The following RNF111 variants were observed in gnomAD, a reference collection of about 807,000 sequenced individuals.
RNF111 encodes E3 ubiquitin-protein ligase Arkadia.
In RNF111, 17 loss-of-function variants were observed where a neutral mutation model predicts 95.1. That is an observed-to-expected ratio of 0.18 (90% CI 0.12 to 0.27). The LOEUF (loss-of-function observed/expected upper bound fraction) is 0.27. Among genes scored for constraint, RNF111 ranks in the 10% least tolerant of loss-of-function variants. The probability of loss-of-function intolerance (pLI) is 1.00; values close to 1 mark genes in which losing one functional copy is unlikely to be tolerated. For missense variants in RNF111, 1,189 were observed against 1,210.4 expected (o/e 0.98, Z 0.26); for synonymous variants, 440 against 414.8 (o/e 1.06, Z -0.74).
chr15:58,997,118 A>T (rs571513733), intron 1 of RNF111, among the ~76,000 whole-genome samples: 2 of 152,318 alleles, frequency 1.3e-5, no homozygotes, highest in South Asian at 4.1e-4. Flanking sequence ...TAATATATAC[A>T]AAGTGTACCA....
In RNF111 at chr15:59,085,720, C is replaced by T. The variant is rs772528498; in HGVS notation, c.2485C>T (p.His829Tyr). 3.1e-6 allele frequency: 5 copies of T among 1,613,628 alleles called. No homozygotes were observed. Among genetic ancestry groups the T allele is most frequent in the Non-Finnish European group, 4.2e-6 (5 of 1,179,690 alleles). The change falls in exon 10 of 14, where the codon CAC becomes TAC. Residue 829 changes from histidine (H) to tyrosine (Y), a missense_variant. His to Tyr is a moderately conservative substitution (Grantham distance 83). Transcript: ENST00000348370. Reference sequence around the variant, plus strand: ...TTATACACCTGGTGCATTGCATCCTCACTTGGCCCATTATCACGCACCTCC... The same window carrying T: ...TTATACACCTGGTGCATTGCATCCTTACTTGGCCCATTATCACGCACCTCC... The part of the protein sequence containing the change: ...ATYTPGALHP[H>Y]LAHYHAPPRL...
chr15:59,085,836 T>A, intron 10 of RNF111, 51 bp downstream of exon 10: 2 of 1,511,740 alleles, frequency 1.3e-6, no homozygotes, highest in Non-Finnish European at 1.8e-6. Flanking sequence ...GTTCCTTTTC[T>A]AAGTATTTTA....
intron 6 of RNF111, among the ~76,000 whole-genome samples, chr15:59,073,364 C>T (rs996450651): frequency 4.0e-5 from 6 of 151,812 alleles, no homozygotes; most frequent in Non-Finnish European, 7.4e-5. Flanking sequence ...ACCTGTAATC[C>T]CAGCTGCTCG....
chr15:59,025,306 A>G (rs2040548155), intron 1 of RNF111, among the ~76,000 whole-genome samples: 1 of 152,224 alleles, frequency 6.6e-6, no homozygotes, highest in African/African-American at 2.4e-5. Flanking sequence ...TGAGTACATT[A>G]TTAGGTTGTG....
chr15:59,088,630 C>G (rs1366524165), intron 10 of RNF111, among the ~76,000 whole-genome samples: 2 of 152,116 alleles, frequency 1.3e-5, no homozygotes, highest in East Asian at 3.9e-4. Context: ...ATGCCCTTTC[C>G]TAATACTCTC....
chr15:59,017,044 T>C (rs143630700), intron 1 of RNF111, among the ~76,000 whole-genome samples: 1 of 151,848 alleles, frequency 6.6e-6, no homozygotes, highest in East Asian at 1.9e-4. Flanking sequence ...TCCCACTGAT[T>C]CTATATTACG....
intron 1 of RNF111, among the ~76,000 whole-genome samples, chr15:58,992,560 G>A (rs1387653264): frequency 2.6e-5 from 4 of 152,194 alleles, no homozygotes; most frequent in African/African-American, 9.6e-5. Context: ...GCTCATGCCT[G>A]TAATCATAGC....
At chr15:59,006,301 A>G (rs1456825908) in intron 1 of RNF111, among the ~76,000 whole-genome samples, 2 of 152,222 alleles carry the variant, frequency 1.3e-5, no homozygotes, top group Non-Finnish European at 2.9e-5. Flanking sequence ...TTAGCACCCC[A>G]ATCAGGACAT....
chr15:58,992,132 C>T (rs2038844631), intron 1 of RNF111, among the ~76,000 whole-genome samples: 1 of 152,156 alleles, frequency 6.6e-6, no homozygotes, highest in Non-Finnish European at 1.5e-5. Context: ...GAAGCCTCCA[C>T]CTCCCGGGTT....
intron 1 of RNF111, among the ~76,000 whole-genome samples, chr15:59,029,000 G>A (rs1170669392): frequency 2.6e-5 from 4 of 151,978 alleles, no homozygotes; most frequent in African/African-American, 9.7e-5. Context: ...GGCTGATCTC[G>A]AACTCCTGGC....
intron 1 of RNF111, among the ~76,000 whole-genome samples, chr15:58,989,714 A>T (rs1236837506): frequency 5.3e-5 from 8 of 152,214 alleles, no homozygotes; most frequent in African/African-American, 1.9e-4. Flanking sequence ...TCTACAGATT[A>T]TTGAGAGAGA....
intron 13 of RNF111, among the ~76,000 whole-genome samples, chr15:59,094,171 C>T (rs2079132713): frequency 6.6e-6 from 1 of 151,992 alleles, no homozygotes; most frequent in African/African-American, 2.4e-5. Context: ...AACAGTAGCA[C>T]AATATTAAGT....
At chr15:58,993,069 T>C (rs1489093883) in intron 1 of RNF111, among the ~76,000 whole-genome samples, 1 of 143,586 alleles carries the variant, frequency 7.0e-6, no homozygotes, top group South Asian at 2.3e-4. Context: ...ACTTGGGAGG[T>C]TGAGGCAGGA....
At chr15:59,041,537 G>A (rs1387378687) in intron 2 of RNF111, among the ~76,000 whole-genome samples, 7 of 152,070 alleles carry the variant, frequency 4.6e-5, no homozygotes, top group African/African-American at 1.7e-4. Context: ...CTCCAGCCTG[G>A]GTGACAGAGT....
At chr15:59,036,775 C>G (rs573369977) in intron 2 of RNF111, among the ~76,000 whole-genome samples, 3 of 152,136 alleles carry the variant, frequency 2.0e-5, no homozygotes, top group Non-Finnish European at 4.4e-5. Context: ...CAAGACCCAA[C>G]AGTTGTATAT....
chr15:58,996,844 TAA>T (rs1248441848), intron 1 of RNF111, among the ~76,000 whole-genome samples: 1 of 152,220 alleles, frequency 6.6e-6, no homozygotes, highest in Middle Eastern at 3.4e-3. Flanking sequence ...TACACGGTTT[TAA>T]AAGTCAGTTT....
intron 2 of RNF111, among the ~76,000 whole-genome samples, chr15:59,031,948 T>A (rs1379870207): frequency 6.6e-6 from 1 of 152,186 alleles, no homozygotes; most frequent in Non-Finnish European, 1.5e-5. Context: ...TCATTACTTT[T>A]TTTTTTCTGA....
chr15:59,060,913 C>T (rs1363846418), intron 5 of RNF111, among the ~76,000 whole-genome samples: 1 of 151,708 alleles, frequency 6.6e-6, no homozygotes, highest in African/African-American at 2.4e-5. Flanking sequence ...GTGATCCTCC[C>T]GAGTAGATGG....
intron 5 of RNF111, among the ~76,000 whole-genome samples, chr15:59,059,307 C>A (rs1555396304): frequency 6.6e-6 from 1 of 152,078 alleles, no homozygotes; most frequent in African/African-American, 2.4e-5. Flanking sequence ...CAATGAGATA[C>A]CACTTTGCAC....
Sources: gnomAD v4.1 joint callset for allele counts (sites outside exome capture counted in the v4.1 genomes callset) on GRCh38, gnomAD v4.1.1 for gene constraint, MANE v1.5 for transcripts, NCBI Gene and HGNC (gene_info 2026-07-23, HGNC 2026-07-21) for gene names.